MAK: variants seen among roughly 807,000 people sequenced by gnomAD.
MAK encodes the protein serine/threonine-protein kinase MAK.
Under a neutral mutation model 82.6 loss-of-function variants are expected in MAK, and 65 were observed. The observed-to-expected ratio is 0.79, with a 90% CI of 0.64 to 0.97. MAK has a LOEUF of 0.97. Ranked by LOEUF, MAK falls within the 50% of genes least tolerant of loss-of-function variation. The probability of loss-of-function intolerance (pLI) is 0.00; values close to 1 mark genes in which losing one functional copy is unlikely to be tolerated. For missense variants in MAK, 703 were observed against 780.2 expected, an observed-to-expected ratio of 0.90 and a Z score of 1.18; for synonymous variants, 250 against 274.2, an observed-to-expected ratio of 0.91 and a Z score of 0.87.
intron 12 of MAK, among the ~76,000 whole-genome samples, chr6:10,773,903 G>A (rs1773234652): frequency 6.6e-6 from 1 of 151,958 alleles, no homozygotes; most frequent in African/African-American, 2.4e-5. Flanking sequence ...GTTTCACCAT[G>A]TTGGTCAGGC....
chr6:10,822,506 A>G (rs1778039226), intron 2 of MAK, among the ~76,000 whole-genome samples: 1 of 152,054 alleles, frequency 6.6e-6, no homozygotes, highest in South Asian at 2.1e-4. Context: ...TACTCTCTTC[A>G]TCTCTTCTTC....
intron 1 of MAK, among the ~76,000 whole-genome samples, chr6:10,831,654 G>T (rs990396091): frequency 1.3e-5 from 2 of 152,116 alleles, no homozygotes; most frequent in African/African-American, 4.8e-5. Context: ...GCTGAGGCAC[G>T]AGGATTGCTT....
chr6:10,836,402 C>T (rs576666848), intron 1 of MAK, among the ~76,000 whole-genome samples: 1 of 152,318 alleles, frequency 6.6e-6, no homozygotes, highest in East Asian at 1.9e-4. Flanking sequence ...GCAACTGTTC[C>T]TTCTATCCCC....
In MAK at chr6:10,817,701, A is replaced by T. The variant is rs114235776; in HGVS notation, c.278+149T>A. ...GTCACAGCTGGTTCTTCAGTGTTAAATGTTACCCTTTGATAAAGGTAACAG... is the reference window on the plus strand; with the variant it reads ...GTCACAGCTGGTTCTTCAGTGTTAATTGTTACCCTTTGATAAAGGTAACAG... On this transcript the variant is annotated intron_variant, in intron 4 of 14. Transcript: ENST00000354489. 7.5e-4 allele frequency: 436 copies of T among 578,602 alleles called. 1 individual carries two copies. The highest frequency in any genetic ancestry group is 1.2e-3 in the Non-Finnish European group (404 of 349,384). 35.8% of individuals were successfully genotyped at this position (578,602 alleles called of 1,614,324 possible). A position where few individuals can be genotyped will look rare whatever the true frequency, so the allele number is the denominator to read the frequency against.
intron 2 of MAK, among the ~76,000 whole-genome samples, chr6:10,819,821 C>G (rs1276059185): frequency 6.6e-6 from 1 of 150,890 alleles, no homozygotes; most frequent in Non-Finnish European, 1.5e-5. Flanking sequence ...GGATAATAAA[C>G]AGGATTCATG....
In MAK at chr6:10,776,946, A is replaced by C. The variant is rs902377420; in HGVS notation, c.1466-1487T>G. On this transcript the variant is annotated intron_variant, in intron 11 of 14. Coordinates refer to ENST00000354489, the MANE Select transcript of MAK (RefSeq NM_001242957.3). The surrounding 1 kb of genome is among the most constrained non-coding windows in gnomAD (Gnocchi z 4.3). ...CTAAAAACACAAAAATTAGCCAGGC[A>C]TGAGACAGGAGAATCGCTTGAACCT... 6.6e-6 allele frequency among the ~76,000 whole-genome samples: 1 copy of C among 151,644 alleles called. No individual in the cohort carries two copies. Among genetic ancestry groups the C allele is most frequent in the African/African-American group, 2.4e-5 (1 of 41,300 alleles).
rs990250252 is a variant in MAK at position 10,800,748 on chromosome 6, G to A, written c.831+1144C>T. ...CAGCTACTCGGGAGGCTGAGGGTGG[G>A]AGAATCACTTGAACCCAGGAGGCAG... On this transcript the variant is annotated intron_variant, in intron 8 of 14. Coordinates refer to ENST00000354489, the MANE Select transcript of MAK (RefSeq NM_001242957.3). The surrounding 1 kb of genome is among the most constrained non-coding windows in gnomAD (Gnocchi z 4.2). Among the ~76,000 whole-genome samples, 1 of 152,036 alleles carries A rather than the reference G, an allele frequency of 6.6e-6. No individual in the cohort carries two copies. Among genetic ancestry groups the A allele is most frequent in the Non-Finnish European group, 1.5e-5 (1 of 67,996 alleles).
intron 8 of MAK, among the ~76,000 whole-genome samples, chr6:10,801,668 C>T (rs374938388): frequency 6.6e-6 from 1 of 152,156 alleles, no homozygotes; most frequent in African/African-American, 2.4e-5. Flanking sequence ...TTCATTTGAA[C>T]CACAAAACTC....
intron 11 of MAK, among the ~76,000 whole-genome samples, chr6:10,779,139 A>G (rs2127524138): frequency 6.6e-6 from 1 of 150,808 alleles, no homozygotes; most frequent in South Asian, 2.1e-4. Flanking sequence ...AAAAAAAAAA[A>G]AAAAAAAAAA....
intron 1 of MAK, among the ~76,000 whole-genome samples, chr6:10,834,760 G>A (rs184350663): frequency 1.3e-5 from 2 of 151,674 alleles, no homozygotes; most frequent in African/African-American, 4.8e-5. Context: ...AAGAATCTAG[G>A]TGGTGCTCCT....
intron 13 of MAK, among the ~76,000 whole-genome samples, chr6:10,771,643 G>C (rs1011996363): frequency 1.3e-5 from 2 of 152,218 alleles, no homozygotes; most frequent in Non-Finnish European, 2.9e-5. Context: ...TGTGTCCGTT[G>C]TCTCTCACGG....
chr6:10,796,055 CTG>C lies in MAK; in HGVS notation c.1084_1085del (p.Gln362GlufsTer20), dbSNP rs755434575. The C allele has an allele frequency of 2.0e-5, 32 of 1,613,916 alleles. No homozygotes were observed. The highest frequency in any genetic ancestry group is 2.5e-5 in the Non-Finnish European group (30 of 1,179,964). On this transcript the variant is annotated frameshift_variant, in exon 9 of 15. Transcript: ENST00000354489. LOFTEE classifies it high-confidence loss of function. The part of the protein sequence containing the change: ...NLSVQQPPKQ[Q>X]SQEKPPQTLF... ...GCGTTTGTGGCGGTTTCTCCTGACT[CTG>C]TTGCTTTGGAGGTTGCTGGACGCTC...
In MAK at chr6:10,800,967, CT is replaced by C. The variant is rs1775972301; in HGVS notation, c.831+924del. The stretch of plus-strand genomic sequence containing the variant: ...GTATCACCCACTGAGCCGTCCTCCC[CT>C]CTTTGTGATGCCACGTTTGTTTACC... On this transcript the variant is annotated intron_variant, in intron 8 of 14. Transcript: ENST00000354489. The surrounding 1 kb of genome is among the most constrained non-coding windows in gnomAD (Gnocchi z 4.2). Among the ~76,000 whole-genome samples, 1 of 152,172 alleles carries C rather than the reference CT, an allele frequency of 6.6e-6. No individual in the cohort carries two copies. The highest frequency in any genetic ancestry group is 1.5e-5 in the Non-Finnish European group (1 of 68,046).
At chr6:10,830,229 G>A (rs1055595089) in intron 2 of MAK, among the ~76,000 whole-genome samples, 6 of 148,696 alleles carry the variant, frequency 4.0e-5, no homozygotes, top group Admixed American at 2.0e-4. Context: ...GCGGTGGCGC[G>A]ATCTCAGCTC....
chr6:10,808,997 C>T (rs1457459002), intron 5 of MAK, 55 bp from the exon 6 acceptor site: 7 of 1,439,768 alleles, frequency 4.9e-6, no homozygotes, highest in Non-Finnish European at 6.8e-6. Flanking sequence ...TTAAACATAG[C>T]TTTATTTGAT....
chr6:10,768,535 C>G (rs1444979974), intron 14 of MAK, among the ~76,000 whole-genome samples: 1 of 152,084 alleles, frequency 6.6e-6, no homozygotes, highest in Admixed American at 6.6e-5. Context: ...GAGCTGAGAT[C>G]ACACCACTGC....
chr6:10,784,950 T>G (rs1442149497), intron 10 of MAK: 2 of 464,530 alleles, frequency 4.3e-6, no homozygotes, highest in Non-Finnish European at 8.6e-6. Flanking sequence ...ATCAATGAGG[T>G]TGTTTGGGGC....
intron 9 of MAK, 119 bp downstream of exon 9, chr6:10,795,879 G>T (rs1775505652): frequency 1.9e-6 from 2 of 1,049,814 alleles, no homozygotes; most frequent in South Asian, 2.6e-5. Context: ...GAGGACTCAG[G>T]GTCTTTAACA....
chr6:10,790,329 C>T (rs1254532651), intron 10 of MAK, among the ~76,000 whole-genome samples: 1 of 152,120 alleles, frequency 6.6e-6, no homozygotes, highest in Non-Finnish European at 1.5e-5. Flanking sequence ...GACTTCCATA[C>T]TATGTCATGC....
Sources: allele counts gnomAD v4.1 joint callset (sites outside exome capture counted in the v4.1 genomes callset), GRCh38; gene constraint gnomAD v4.1.1; non-coding constraint Gnocchi (gnomAD v3.1); transcripts MANE v1.5; gene names NCBI Gene and HGNC (gene_info 2026-07-23, HGNC 2026-07-21).